The following PID1 variants were observed in gnomAD, a reference collection of about 807,000 sequenced individuals.
The protein encoded by PID1 is phosphotyrosine interaction domain containing 1, also known as PTB-containing, cubilin and LRP1-interacting protein.
In PID1, 10 loss-of-function variants were observed where a neutral mutation model predicts 19.1. The observed-to-expected ratio is 0.52, with a 90% CI of 0.32 to 0.89. PID1 has a LOEUF of 0.89. Ranked by LOEUF, PID1 falls within the 40% of genes least tolerant of loss-of-function variation. The pLI is 0.03. For missense variants in PID1, 248 were observed against 285.3 expected, an observed-to-expected ratio of 0.87 and a Z score of 0.94; for synonymous variants, 130 against 116.0, an observed-to-expected ratio of 1.12 and a Z score of -0.78.
At position 229,025,124 on chromosome 2, in the gene PID1, T is replaced by C. The variant is rs960897928; in HGVS notation, c.*508A>G. On this transcript the variant is annotated 3_prime_UTR_variant, in exon 3 of 3. Coordinates refer to ENST00000392055, the MANE Select transcript of PID1 (RefSeq NM_001100818.2). Reference sequence around the variant, plus strand: ...TCAATAAAGGCTGTGCTGATTTGCATACAGAGGAGGGCATCTGCCGTGGGA... The same window carrying C: ...TCAATAAAGGCTGTGCTGATTTGCACACAGAGGAGGGCATCTGCCGTGGGA... 1 of 159,650 alleles carries C rather than the reference T, an allele frequency of 6.3e-6. No homozygotes were observed. Among genetic ancestry groups the C allele is most frequent in the African/African-American group, 2.4e-5 (1 of 41,494 alleles). The allele number at this position is 159,650 out of a possible 1,614,324, so 9.9% of individuals were successfully genotyped here. A position where few individuals can be genotyped will look rare whatever the true frequency, so the allele number is the denominator to read the frequency against.
chr2:229,148,278 T>C (rs1444082763), intron 2 of PID1, among the ~76,000 whole-genome samples: 2 of 152,224 alleles, frequency 1.3e-5, no homozygotes, highest in African/African-American at 4.8e-5. Flanking sequence ...AAGTTTACAT[T>C]AAAACCACAT....
chr2:229,231,474 T>C (rs1289400995), intron 1 of PID1, among the ~76,000 whole-genome samples: 1 of 152,046 alleles, frequency 6.6e-6, no homozygotes, highest in African/African-American at 2.4e-5. Flanking sequence ...TCCCACTTAC[T>C]TAATATCAAG....
At chr2:229,060,724 T>C (rs548099458) in intron 2 of PID1, among the ~76,000 whole-genome samples, 1 of 152,182 alleles carries the variant, frequency 6.6e-6, no homozygotes, top group African/African-American at 2.4e-5. Flanking sequence ...TATTAACTTA[T>C]ATTCCCACCA....
intron 2 of PID1, among the ~76,000 whole-genome samples, chr2:229,146,445 G>A (rs1264882983): frequency 4.6e-5 from 7 of 151,984 alleles, no homozygotes; most frequent in Non-Finnish European, 7.4e-5. Context: ...GTATACCTAT[G>A]TAACAAACCT....
intron 2 of PID1, among the ~76,000 whole-genome samples, chr2:229,042,404 T>C (rs953411131): frequency 1.3e-5 from 2 of 152,208 alleles, no homozygotes; most frequent in African/African-American, 4.8e-5. Flanking sequence ...TTCATGAGCA[T>C]ATACAGTTGA....
intron 2 of PID1, among the ~76,000 whole-genome samples, chr2:229,085,194 C>T (rs1005118779): frequency 6.6e-6 from 1 of 150,810 alleles, no homozygotes; most frequent in African/African-American, 2.4e-5. Context: ...GCATACACAT[C>T]TCTCTCATCC....
In PID1 at chr2:229,151,006, C is replaced by T. The variant is rs567078935; in HGVS notation, c.177+4812G>A. ...AATTAAACAAGGTAAATCCTCCAGC[C>T]TTGGATGTCTGGATGAAAGAGAGCA... is the stretch of plus-strand genomic sequence containing the variant. On this transcript the variant is annotated intron_variant, in intron 2 of 2. Coordinates refer to ENST00000392055, the MANE Select transcript of PID1 (RefSeq NM_001100818.2). Among the ~76,000 whole-genome samples the T allele has an allele frequency of 5.9e-5, 9 of 152,198 alleles. 2 individuals carry two copies. The South Asian group carries it at 1.9e-3, about 32-fold the overall frequency.
chr2:229,127,140 C>A (rs1695638496), intron 2 of PID1, among the ~76,000 whole-genome samples: 1 of 152,168 alleles, frequency 6.6e-6, no homozygotes. Flanking sequence ...TTAGGACACC[C>A]AAATGCCAAG....
intron 1 of PID1, among the ~76,000 whole-genome samples, chr2:229,202,006 C>A (rs1691508775): frequency 6.6e-6 from 1 of 152,044 alleles, no homozygotes; most frequent in East Asian, 1.9e-4. Flanking sequence ...GGCTTTCCTC[C>A]TGCCACCTAT....
At chr2:229,265,966 T>C (rs974134247) in intron 1 of PID1, among the ~76,000 whole-genome samples, 1 of 152,190 alleles carries the variant, frequency 6.6e-6, no homozygotes, top group African/African-American at 2.4e-5. Flanking sequence ...ACAGAGTTTG[T>C]TCCCAGGCTA....
chr2:229,153,441 G>A (rs1003415973), intron 2 of PID1, among the ~76,000 whole-genome samples: 3 of 152,114 alleles, frequency 2.0e-5, no homozygotes, highest in Non-Finnish European at 2.9e-5. Flanking sequence ...TATATAGCCC[G>A]GTGGAATGTG....
At position 229,026,073 on chromosome 2, in the gene PID1, C is replaced by A. The variant is rs753685149; in HGVS notation, c.213G>T (p.Met71Ile). The change falls in exon 3 of 3, where the codon ATG (methionine) becomes ATT (isoleucine). Residue 71 changes from methionine to isoleucine, a missense_variant. Coordinates refer to ENST00000392055, the MANE Select transcript of PID1 (RefSeq NM_001100818.2). ...TTTCTGTGCAGCCTGACAAAAACTGCATGCCAGTGGTGGAGACTTTGCCCA... is the reference window on the plus strand; with the variant it reads ...TTTCTGTGCAGCCTGACAAAAACTGAATGCCAGTGGTGGAGACTTTGCCCA... ...TYLGKVSTTG[M>I]QFLSGCTEKP... 6.2e-7 allele frequency: 1 copy of A among 1,614,140 alleles called. No homozygotes were observed. Among genetic ancestry groups the A allele is most frequent in the Non-Finnish European group, 8.5e-7 (1 of 1,180,008 alleles).
chr2:229,111,272 G>A (rs926536564), intron 2 of PID1, among the ~76,000 whole-genome samples: 3 of 152,146 alleles, frequency 2.0e-5, no homozygotes, highest in African/African-American at 7.2e-5. Flanking sequence ...AAGGAGCAGC[G>A]ATGCCACAGG....
chr2:229,079,927 A>G (rs903029278), intron 2 of PID1, among the ~76,000 whole-genome samples: 3 of 152,192 alleles, frequency 2.0e-5, no homozygotes, highest in African/African-American at 4.8e-5. Flanking sequence ...GGAGATGGGC[A>G]TGGAGCACTG....
intron 1 of PID1, among the ~76,000 whole-genome samples, chr2:229,250,446 T>C (rs940354320): frequency 6.6e-6 from 1 of 152,236 alleles, no homozygotes; most frequent in East Asian, 1.9e-4. Flanking sequence ...CTGTGTTGCT[T>C]TCAGCATTAT....
At chr2:229,256,766 T>A (rs746868793) in intron 1 of PID1, among the ~76,000 whole-genome samples, 1 of 152,246 alleles carries the variant, frequency 6.6e-6, no homozygotes, top group Non-Finnish European at 1.5e-5. Flanking sequence ...TATTAGTATT[T>A]ATCTGACTCC....
At chr2:229,214,519 T>G (rs909544215) in intron 1 of PID1, among the ~76,000 whole-genome samples, 1 of 152,158 alleles carries the variant, frequency 6.6e-6, no homozygotes, top group African/African-American at 2.4e-5. Flanking sequence ...AACAGGATTC[T>G]AGAATCAGAT....
chr2:229,191,062 T>C (rs896337542), intron 1 of PID1, among the ~76,000 whole-genome samples: 1 of 152,128 alleles, frequency 6.6e-6, no homozygotes, highest in Non-Finnish European at 1.5e-5. Flanking sequence ...AAACAAAAGA[T>C]TGGGAAACCA....
chr2:229,059,451 G>A lies in PID1; in HGVS notation c.178-33343C>T, dbSNP rs1010326288. On this transcript the variant is annotated intron_variant, in intron 2 of 2. Transcript: ENST00000392055. ...GGTGTTTTCACATATAATCTCATGT[G>A]TATATGTCAGTGTCATTATCAACTC... is the stretch of plus-strand genomic sequence containing the variant. 2.0e-5 allele frequency among the ~76,000 whole-genome samples: 3 copies of A among 152,174 alleles called. No individual in the cohort carries two copies. The East Asian group carries it at 5.8e-4, about 29-fold the overall frequency.
Sources: gnomAD v4.1 joint callset for allele counts (sites outside exome capture counted in the v4.1 genomes callset) on GRCh38, gnomAD v4.1.1 for gene constraint, MANE v1.5 for transcripts, NCBI Gene and HGNC (gene_info 2026-07-23, HGNC 2026-07-21) for gene names.